The following IMPDH1 variants were observed in gnomAD, a reference collection of about 807,000 sequenced individuals.
IMPDH1 encodes the protein inosine monophosphate dehydrogenase 1, also known as inosine-5'-monophosphate dehydrogenase 1.
A neutral mutation model predicts 73.5 loss-of-function variants in IMPDH1; 41 were observed. The observed-to-expected ratio is 0.56, with a 90% CI of 0.43 to 0.72. The LOEUF is 0.72. Ranked by LOEUF, IMPDH1 falls within the 30% of genes least tolerant of loss-of-function variation. IMPDH1 has a pLI of 0.00. For missense variants in IMPDH1, 645 were observed against 824.8 expected, an observed-to-expected ratio of 0.78 and a Z score of 2.67; for synonymous variants, 318 against 334.3, an observed-to-expected ratio of 0.95 and a Z score of 0.53.
rs186362069 is a variant in IMPDH1, at chr7:128,394,752, C to G, written c.1550+137G>C. ...GATGGCCCAGGGACAGATCCTGGGT[C>G]TGCTACTTAAGCCCTGTGCCTCAGT... On this transcript the variant is annotated intron_variant, in intron 14 of 16. Coordinates refer to ENST00000338791, the MANE Select transcript of IMPDH1 (RefSeq NM_000883.4). This position sits in a 1 kb window ranked among gnomAD's most constrained non-coding sequence, Gnocchi z 5.5. 2.1e-4 allele frequency: 296 copies of G among 1,395,642 alleles called. No homozygotes were observed. The African/African-American group carries it at 3.5e-3, about 17-fold the overall frequency. 86.5% of individuals were successfully genotyped at this position (1,395,642 alleles called of 1,614,324 possible).
At chr7:128,403,777 G>A (rs758796890) in intron 4 of IMPDH1, 23 bp from the exon 5 acceptor site, 6 of 1,611,132 alleles carry the variant, frequency 3.7e-6, no homozygotes, top group Non-Finnish European at 8.5e-7. Context: ...AGAAGTGAGT[G>A]TTATTAGTGG....
intron 4 of IMPDH1, 112 bp from the exon 5 acceptor site, chr7:128,403,866 A>C (rs1798517799): frequency 1.1e-6 from 1 of 904,076 alleles, no homozygotes; most frequent in Non-Finnish European, 1.8e-6. Context: ...AGAGGAGCAG[A>C]GGCTACAGCC....
In IMPDH1 at chr7:128,394,963, C is replaced by T; in HGVS notation, c.1476G>A (p.Arg492=). Residue 492 remains arginine (R), a synonymous_variant, in exon 14 of 17, where the codon CGG becomes CGA. Coordinates refer to ENST00000338791, the MANE Select transcript of IMPDH1 (RefSeq NM_000883.4). This position sits in a 1 kb window ranked among gnomAD's most constrained non-coding sequence, Gnocchi z 5.5. ...PGEYFFSDGV[R]LKKYRGMGSL... ...AGCCCATGCCCCGGTACTTCTTGAGCCGCACCCCGTCTGAGAAGAAGTACT... is the reference window on the plus strand; with the variant it reads ...AGCCCATGCCCCGGTACTTCTTGAGTCGCACCCCGTCTGAGAAGAAGTACT... 1.2e-6 allele frequency: 2 copies of T among 1,613,850 alleles called. No individual in the cohort carries two copies. The highest frequency in any genetic ancestry group is 1.7e-6 in the Non-Finnish European group (2 of 1,180,014).
chr7:128,394,736 GGGACA>G lies in IMPDH1; in HGVS notation c.1551-142_1551-138del. The G allele has an allele frequency of 7.2e-7, 1 of 1,396,740 alleles. No homozygotes were observed. The highest frequency in any genetic ancestry group is 1.0e-6 in the Non-Finnish European group (1 of 1,001,774). The allele number at this position is 1,396,740 out of a possible 1,614,324, so 86.5% of individuals were successfully genotyped here. On this transcript the variant is annotated intron_variant, in intron 14 of 16. Coordinates refer to ENST00000338791, the MANE Select transcript of IMPDH1 (RefSeq NM_000883.4). This position sits in a 1 kb window ranked among gnomAD's most constrained non-coding sequence, Gnocchi z 5.5. ...TCACTGGGCTGAGTCAGATGGCCCA[GGGACA>G]GATCCTGGGTCTGCTACTTAAGCCC...
At position 128,397,976 on chromosome 7, in the gene IMPDH1, G is replaced by A. The variant is rs1037870419; in HGVS notation, c.1074+438C>T. ...TGTTTAGCTCCTACTTATAAGTGAG[G>A]GCATGCAGTATTTGGTTTTCTGCTT... On this transcript the variant is annotated intron_variant, in intron 10 of 16. Transcript: ENST00000338791. 1.2e-4 allele frequency among the ~76,000 whole-genome samples: 18 copies of A among 152,064 alleles called. No individual in the cohort carries two copies. The South Asian group carries it at 1.2e-3, about 11-fold the overall frequency.
chr7:128,405,340 T>C (rs1210455249), intron 4 of IMPDH1, among the ~76,000 whole-genome samples: 2 of 152,206 alleles, frequency 1.3e-5, no homozygotes, highest in Non-Finnish European at 2.9e-5. Flanking sequence ...CCCAACCACC[T>C]GGCTGGGCCT....
rs376092198 is a variant in IMPDH1 at position 128,400,492 on chromosome 7, C to T, written c.627G>A (p.Ser209=). The T allele has an allele frequency of 2.2e-5, 35 of 1,612,760 alleles. No individual in the cohort carries two copies. The East Asian group carries it at 4.5e-4, about 21-fold the overall frequency. ...CCTCCAGCACATCGCCCACAGTGTGCGAGGGGCTCAGCACCACAGGGTCCG... is the reference window on the plus strand; with the variant it reads ...CCTCCAGCACATCGCCCACAGTGTGTGAGGGGCTCAGCACCACAGGGTCCG... ...FITDPVVLSP[S]HTVGDVLEAK... The change falls in exon 8 of 17, where the codon TCG becomes TCA. Residue 209 remains serine, a synonymous_variant. Coordinates refer to ENST00000338791, the MANE Select transcript of IMPDH1 (RefSeq NM_000883.4).
Position 128,396,717 on chromosome 7 carries a change from AG to A in IMPDH1, c.1166-23del, listed in dbSNP as rs1422870515. The A allele has an allele frequency of 2.0e-6, 3 of 1,537,738 alleles. No individual in the cohort carries two copies. In the African/African-American group the frequency reaches 4.1e-5, roughly 21 times the overall value. On this transcript the variant is annotated intron_variant, in intron 11 of 16. Transcript: ENST00000338791. This position sits in a 1 kb window ranked among gnomAD's most constrained non-coding sequence, Gnocchi z 4.0. ...ACCACTGGGGGTGGGGATGGGGCAG[AG>A]GAACAATGTGAGGATGGGATGCCCC... is the stretch of plus-strand genomic sequence containing the variant.
chr7:128,396,477 TG>T lies in IMPDH1; in HGVS notation c.1261+122del. On this transcript the variant is annotated intron_variant, in intron 12 of 16. Coordinates refer to ENST00000338791, the MANE Select transcript of IMPDH1 (RefSeq NM_000883.4). The surrounding 1 kb of genome is among the most constrained non-coding windows in gnomAD (Gnocchi z 4.0). ...GGCCCGATGGGGTGGGGCCCATGCCTGGGTCACCCCGGAGCCTACCATGGCA... is the reference window on the plus strand; with the variant it reads ...GGCCCGATGGGGTGGGGCCCATGCCTGGTCACCCCGGAGCCTACCATGGCA... 1 of 826,368 alleles carries T rather than the reference TG, an allele frequency of 1.2e-6. No homozygotes were observed. The highest frequency in any genetic ancestry group is 2.0e-6 in the Non-Finnish European group (1 of 490,540). The allele number at this position is 826,368 out of a possible 1,614,324, so 51.2% of individuals were successfully genotyped here.
chr7:128,392,895 C>A lies in IMPDH1; in HGVS notation c.*112G>T. On this transcript the variant is annotated 3_prime_UTR_variant, in exon 17 of 17. Transcript: ENST00000338791. ...CCCCTCCTCTCTGCCTGGAAAGGAG[C>A]TGGAGAACCCGTAGTGCAAATCTGT... is the stretch of plus-strand genomic sequence containing the variant. The A allele has an allele frequency of 9.4e-7, 1 of 1,063,896 alleles. No homozygotes were observed. Among genetic ancestry groups the A allele is most frequent in the Non-Finnish European group, 1.5e-6 (1 of 687,572 alleles). 65.9% of individuals were successfully genotyped at this position (1,063,896 alleles called of 1,614,324 possible).
intron 10 of IMPDH1, 129 bp from the exon 11 acceptor site, chr7:128,397,151 G>GTTTT: frequency 4.4e-5 from 24 of 550,608 alleles, no homozygotes; most frequent in Admixed American, 6.3e-5. Context: ...CCTTCTGGTT[G>GTTTT]TTTTTTTTTT....
Position 128,394,727 on chromosome 7 carries a change from G to A in IMPDH1, c.1551-128C>T. The A allele has an allele frequency of 1.2e-5, 17 of 1,404,644 alleles. No homozygotes were observed. The highest frequency in any genetic ancestry group is 1.6e-5 in the Non-Finnish European group (16 of 1,008,790). The allele number at this position is 1,404,644 out of a possible 1,614,324, so 87.0% of individuals were successfully genotyped here. A position where few individuals can be genotyped will look rare whatever the true frequency, so the allele number is the denominator to read the frequency against. On this transcript the variant is annotated intron_variant, in intron 14 of 16. Transcript: ENST00000338791. This position sits in a 1 kb window ranked among gnomAD's most constrained non-coding sequence, Gnocchi z 5.5. ...GGCCACCCCTCACTGGGCTGAGTCA[G>A]ATGGCCCAGGGACAGATCCTGGGTC...
chr7:128,401,228 C>T (rs878882163), intron 5 of IMPDH1, 112 bp from the exon 6 acceptor site: 1 of 764,520 alleles, frequency 1.3e-6, no homozygotes, highest in South Asian at 1.4e-5. Context: ...TGGCAGTGAA[C>T]AAGGTGGATG....
rs72624937 is a variant in IMPDH1 at position 128,409,937 on chromosome 7, A to T, written c.-36T>A. ...CAGCTCAGGGCGGGCGGGAGCCTGG[A>T]GGCTCCCGGGGCCCCGGCTGGGCAG... On this transcript the variant is annotated 5_prime_UTR_variant, in exon 1 of 17. Transcript: ENST00000338791. 3 of 1,329,554 alleles carry T rather than the reference A, an allele frequency of 2.3e-6. No homozygotes were observed. The highest frequency in any genetic ancestry group is 2.9e-6 in the Non-Finnish European group (3 of 1,045,662). The allele number at this position is 1,329,554 out of a possible 1,614,324, so 82.4% of individuals were successfully genotyped here.
rs563797752 is a variant in IMPDH1, at chr7:128,393,107, C to T, written c.1779-79G>A. 43 of 1,483,164 alleles carry T rather than the reference C, an allele frequency of 2.9e-5. No homozygotes were observed. In the East Asian group the frequency reaches 9.5e-4, roughly 33 times the overall value. The allele number at this position is 1,483,164 out of a possible 1,614,324, so 91.9% of individuals were successfully genotyped here. ...TTCCCAAAACCCTTTCCCCAGGGCC[C>T]CCAGATGTAGGAGAGAACAGAGAGC... On this transcript the variant is annotated intron_variant, in intron 16 of 16. Transcript: ENST00000338791.
Position 128,409,863 on chromosome 7 carries a change from G to T in IMPDH1, c.39C>A (p.Gly13=). ...GPLTPPPLQG[G]GAAAVPEPGA... ...CGGGCTCCGGAACAGCGGCGGCTCC[G>T]CCTCCCTGCAGCGGTGGTGGAGTGA... Residue 13 remains glycine, a synonymous_variant, in exon 1 of 17, where the codon GGC becomes GGA. Transcript: ENST00000338791. The T allele has an allele frequency of 6.7e-7, 1 of 1,488,820 alleles. No individual in the cohort carries two copies. The highest frequency in any genetic ancestry group is 8.9e-7 in the Non-Finnish European group (1 of 1,126,150). 92.2% of individuals were successfully genotyped at this position (1,488,820 alleles called of 1,614,324 possible). A position where few individuals can be genotyped will look rare whatever the true frequency, so the allele number is the denominator to read the frequency against.
intron 5 of IMPDH1, 84 bp downstream of exon 5, chr7:128,403,622 T>C (rs1798492951): frequency 1.7e-6 from 2 of 1,164,392 alleles, no homozygotes; most frequent in Non-Finnish European, 2.6e-6. Context: ...TCTCCATCTC[T>C]CCATGCCCTG....
At chr7:128,399,958 GGCCT>G in intron 9 of IMPDH1, 133 bp downstream of exon 9, 1 of 778,282 alleles carries the variant, frequency 1.3e-6, no homozygotes, top group Non-Finnish European at 2.3e-6. Context: ...GTTGTGCTCT[GGCCT>G]GCCTGAGGTT....
Position 128,397,018 on chromosome 7 carries a change from GA to G in IMPDH1, c.1078del (p.Ser360ArgfsTer25), listed in dbSNP as rs1416458743. The G allele has an allele frequency of 2.5e-6, 4 of 1,612,660 alleles. No homozygotes were observed. The highest frequency in any genetic ancestry group is 3.4e-6 in the Non-Finnish European group (4 of 1,178,772). ...QAGVDVIVLDSSQGNSVYQIA... is the reference protein window; with the variant it reads ...QAGVDVIVLDXSQGNSVYQIA... The stretch of plus-strand genomic sequence containing the variant: ...CTGATACACCGAATTCCCTTGGGAC[GA>G]GTCCTGTGAGAAAGGACGGAAGAGC... On this transcript the variant is annotated frameshift_variant, in exon 11 of 17. Transcript: ENST00000338791. LOFTEE classifies it high-confidence loss of function.
Sources: allele counts gnomAD v4.1 joint callset (sites outside exome capture counted in the v4.1 genomes callset), GRCh38; gene constraint gnomAD v4.1.1; non-coding constraint Gnocchi (gnomAD v3.1); transcripts MANE v1.5; gene names NCBI Gene and HGNC (gene_info 2026-07-23, HGNC 2026-07-21).